DENND11: variants seen among roughly 807,000 people sequenced by gnomAD.
The protein encoded by DENND11 is DENN domain containing 11.
DENND11 carries 34 observed loss-of-function variants against 49.2 expected under a neutral mutation model. The ratio of observed to expected loss-of-function variants is 0.69; its 90% CI spans 0.53 to 0.92. DENND11 has a LOEUF of 0.92. DENND11 is among the 40% of genes least tolerant of loss of function. DENND11 has a pLI of 0.00. For missense variants in DENND11, 475 were observed against 581.6 expected (o/e 0.82, Z 1.88); for synonymous variants, 238 against 230.3 (o/e 1.03, Z -0.30).
intron 4 of DENND11, among the ~76,000 whole-genome samples, chr7:141,668,869 C>T (rs1395174867): frequency 6.6e-6 from 1 of 151,452 alleles, no homozygotes; most frequent in African/African-American, 2.4e-5. Flanking sequence ...GTTTCTCTGG[C>T]TTTTACAGAG....
Position 141,662,202 on chromosome 7 carries a change from G to A in DENND11, c.*454C>T, listed in dbSNP as rs1354414097. The A allele has an allele frequency of 5.7e-5, 9 of 157,560 alleles. No homozygotes were observed. Among genetic ancestry groups the A allele is most frequent in the African/African-American group, 2.2e-4 (9 of 41,672 alleles). 9.8% of individuals were successfully genotyped at this position (157,560 alleles called of 1,614,324 possible). ...TTGATCCCAAGACTATAGACTCCTA[G>A]AACTACTAAAAACCTTAAAAGATCA... On this transcript the variant is annotated 3_prime_UTR_variant, in exon 9 of 9. Coordinates refer to ENST00000536163, the MANE Select transcript of DENND11 (RefSeq NM_001080392.2).
chr7:141,661,150 A>G lies in DENND11; in HGVS notation c.*1506T>C, dbSNP rs1797786704. 2 of 152,204 alleles carry G rather than the reference A, an allele frequency of 1.3e-5. No homozygotes were observed. The highest frequency in any genetic ancestry group is 1.5e-5 in the Non-Finnish European group (1 of 68,034). 9.4% of individuals were successfully genotyped at this position (152,204 alleles called of 1,614,324 possible). ...AATGTTATTTCTCCCTGCTGTGTAC[A>G]TTAGTCTGGCTGGGTGTTGGTCACA... is the stretch of plus-strand genomic sequence containing the variant. On this transcript the variant is annotated 3_prime_UTR_variant, in exon 9 of 9. Transcript: ENST00000536163.
chr7:141,692,738 G>A (rs1798346896), intron 1 of DENND11, among the ~76,000 whole-genome samples: 1 of 152,056 alleles, frequency 6.6e-6, no homozygotes, highest in Admixed American at 6.6e-5. Context: ...CTAGCTACCT[G>A]GGAGGCTGGG....
chr7:141,668,500 T>C (rs12154227), intron 4 of DENND11, among the ~76,000 whole-genome samples: 83,384 of 152,042 alleles, frequency 0.55, 23,892 homozygotes, highest in East Asian at 0.92. Context: ...GCAGAAGAAT[T>C]GCTTGAATCT....
At chr7:141,669,374 A>G (rs2117056069) in intron 4 of DENND11, among the ~76,000 whole-genome samples, 1 of 151,830 alleles carries the variant, frequency 6.6e-6, no homozygotes, top group South Asian at 2.1e-4. Flanking sequence ...CAGCCTCCCA[A>G]GTAGCTGGGA....
chr7:141,674,203 G>C lies in DENND11; in HGVS notation c.545C>G (p.Pro182Arg). Residue 182 changes from proline (P) to arginine (R), a missense_variant, in exon 4 of 9, where the codon CCA (proline) becomes CGA (arginine). Coordinates refer to ENST00000536163, the MANE Select transcript of DENND11 (RefSeq NM_001080392.2). Reference protein sequence around the residue: ...ENQVRHQLEMPGHYSHLAAFY... With the variant: ...ENQVRHQLEMRGHYSHLAAFY... ...GGCAGCCAGATGAGAGTAATGTCCT[G>C]GCATCTCCAACTGGTGCCTGCAGAA... The C allele has an allele frequency of 6.5e-7, 1 of 1,544,732 alleles. No homozygotes were observed. Among genetic ancestry groups the C allele is most frequent in the Non-Finnish European group, 8.7e-7 (1 of 1,146,292 alleles).
chr7:141,662,878 A>G (rs772598718), intron 8 of DENND11, 27 bp from the exon 9 acceptor site: 4 of 1,496,262 alleles, frequency 2.7e-6, no homozygotes, highest in Non-Finnish European at 3.6e-6. Flanking sequence ...AGACACAGGA[A>G]AGGAAGCGGG....
intron 7 of DENND11, 47 bp downstream of exon 7, chr7:141,664,857 G>T (rs757713721): frequency 4.5e-6 from 7 of 1,572,828 alleles, no homozygotes; most frequent in Non-Finnish European, 6.1e-6. Flanking sequence ...TGCTGGAGCT[G>T]CCCTGAGGAG....
At chr7:141,695,898 G>A (rs1798404456) in intron 1 of DENND11, among the ~76,000 whole-genome samples, 1 of 152,194 alleles carries the variant, frequency 6.6e-6, no homozygotes, top group Non-Finnish European at 1.5e-5. Context: ...CATGACCACG[G>A]GAGGCACAAA....
chr7:141,691,198 G>A (rs1413954460), intron 1 of DENND11, among the ~76,000 whole-genome samples: 1 of 152,208 alleles, frequency 6.6e-6, no homozygotes, highest in East Asian at 1.9e-4. Flanking sequence ...AAGGCAAGGA[G>A]CACATTGCCC....
At chr7:141,701,538 C>A (rs894096830) in intron 1 of DENND11, 1 of 160,596 alleles carries the variant, frequency 6.2e-6, no homozygotes, top group Non-Finnish European at 1.4e-5. Context: ...GAAAACAAAA[C>A]CCAACGTGGC....
rs772187845 is a variant in DENND11 at position 141,662,071 on chromosome 7, A to G, written c.*585T>C. 6.6e-6 allele frequency: 1 copy of G among 152,220 alleles called. No homozygotes were observed. The highest frequency in any genetic ancestry group is 1.5e-5 in the Non-Finnish European group (1 of 68,048). 9.4% of individuals were successfully genotyped at this position (152,220 alleles called of 1,614,324 possible). On this transcript the variant is annotated 3_prime_UTR_variant, in exon 9 of 9. Coordinates refer to ENST00000536163, the MANE Select transcript of DENND11 (RefSeq NM_001080392.2). ...CAACCTCTTTCATTCTGACCATAAGATAAGCTCATATTTGGTGTCAGAAAC... is the reference window on the plus strand; with the variant it reads ...CAACCTCTTTCATTCTGACCATAAGGTAAGCTCATATTTGGTGTCAGAAAC...
intron 5 of DENND11, 89 bp downstream of exon 5, chr7:141,666,198 C>G: frequency 7.1e-7 from 1 of 1,412,292 alleles, no homozygotes; most frequent in Non-Finnish European, 9.5e-7. Flanking sequence ...GTGGCCCAAG[C>G]TCTTCCAAAC....
intron 1 of DENND11, among the ~76,000 whole-genome samples, chr7:141,694,463 G>A (rs1415605198): frequency 1.3e-5 from 2 of 152,118 alleles, no homozygotes; most frequent in Admixed American, 1.3e-4. Flanking sequence ...GTCTCGCCAT[G>A]TTGCCCAGGC....
At chr7:141,677,253 T>G (rs1449218776) in intron 3 of DENND11, among the ~76,000 whole-genome samples, 2 of 151,646 alleles carry the variant, frequency 1.3e-5, no homozygotes, top group East Asian at 3.9e-4. Context: ...TGGTGAAACC[T>G]GTCTCTAATA....
intron 4 of DENND11, among the ~76,000 whole-genome samples, chr7:141,671,009 G>A (rs1797972194): frequency 6.6e-6 from 1 of 152,150 alleles, no homozygotes. Flanking sequence ...TCACACAAAT[G>A]AGATCTGGTG....
chr7:141,669,104 T>G (rs966653714), intron 4 of DENND11, among the ~76,000 whole-genome samples: 1 of 152,140 alleles, frequency 6.6e-6, no homozygotes, highest in Non-Finnish European at 1.5e-5. Flanking sequence ...TCCCCCATTT[T>G]CCTAAGGGGA....
At position 141,657,340 on chromosome 7, in the gene DENND11, C is replaced by T. The variant is rs538045283; in HGVS notation, c.*5316G>A. On this transcript the variant is annotated 3_prime_UTR_variant, in exon 9 of 9. Coordinates refer to ENST00000536163, the MANE Select transcript of DENND11 (RefSeq NM_001080392.2). Reference sequence around the variant, plus strand: ...CACCAAGAATCTCCACCATTCTTCACTTGACAGTCTTTGTGGACACGTTAG... The same window carrying T: ...CACCAAGAATCTCCACCATTCTTCATTTGACAGTCTTTGTGGACACGTTAG... The T allele has an allele frequency of 1.3e-5, 2 of 152,354 alleles. No homozygotes were observed. Among genetic ancestry groups the T allele is most frequent in the South Asian group, 2.1e-4 (1 of 4,822 alleles). 9.4% of individuals were successfully genotyped at this position (152,354 alleles called of 1,614,324 possible). A position where few individuals can be genotyped will look rare whatever the true frequency, so the allele number is the denominator to read the frequency against.
intron 3 of DENND11, among the ~76,000 whole-genome samples, chr7:141,677,505 ATATATATATATATATG>A (rs1562999730): frequency 5.2e-5 from 6 of 114,810 alleles, no homozygotes; most frequent in Non-Finnish European, 7.0e-5. Context: ...GTGTGTGTGT[ATATATATATATATATG>A]TATATATATA....
Sources: allele counts gnomAD v4.1 joint callset (sites outside exome capture counted in the v4.1 genomes callset), GRCh38; gene constraint gnomAD v4.1.1; transcripts MANE v1.5; gene names NCBI Gene and HGNC (gene_info 2026-07-23, HGNC 2026-07-21).